KLHL1: variants seen among roughly 807,000 people sequenced by gnomAD.
KLHL1 encodes kelch-like protein 1.
Under a neutral mutation model 77.7 loss-of-function variants are expected in KLHL1, and 47 were observed. That is an observed-to-expected ratio of 0.60 (90% confidence interval 0.48 to 0.77). The LOEUF (loss-of-function observed/expected upper bound fraction) is 0.77, where lower values mean the gene tolerates loss of function less well. Among genes scored for constraint, KLHL1 ranks in the 30% least tolerant of loss-of-function variants. KLHL1 has a pLI of 0.00. For synonymous variants in KLHL1, 360 were observed against 325.2 expected, an observed-to-expected ratio of 1.11 and a Z score of -1.15; for missense variants, 925 against 910.8, an observed-to-expected ratio of 1.02 and a Z score of -0.20.
intron 5 of KLHL1, among the ~76,000 whole-genome samples, chr13:69,871,347 G>C (rs1007661027): frequency 3.3e-5 from 5 of 152,092 alleles, no homozygotes; most frequent in African/African-American, 1.2e-4. Context: ...TGATGGAAGG[G>C]GCTGCCTCCA....
chr13:70,022,836 G>T (rs1434842669), intron 1 of KLHL1, among the ~76,000 whole-genome samples: 1 of 151,820 alleles, frequency 6.6e-6, no homozygotes, highest in Admixed American at 6.6e-5. Context: ...TGCCTTCTTT[G>T]ATGCATAGTT....
At chr13:70,092,616 A>G (rs373697059) in intron 1 of KLHL1, among the ~76,000 whole-genome samples, 2 of 152,310 alleles carry the variant, frequency 1.3e-5, no homozygotes, top group East Asian at 3.9e-4. Context: ...TAAAGCATTC[A>G]ATGGATTATA....
chr13:69,979,725 G>C (rs1372478821), intron 1 of KLHL1, among the ~76,000 whole-genome samples: 2 of 152,186 alleles, frequency 1.3e-5, no homozygotes, highest in East Asian at 1.9e-4. Flanking sequence ...TACAAAGCTT[G>C]AAGTTACAAG....
intron 1 of KLHL1, among the ~76,000 whole-genome samples, chr13:70,052,717 A>G (rs562351023): frequency 2.0e-5 from 3 of 152,054 alleles, no homozygotes; most frequent in Middle Eastern, 3.4e-3. Context: ...TCCCTCTAAA[A>G]CAGGCTCTCC....
chr13:70,057,325 T>C (rs531393793), intron 1 of KLHL1, among the ~76,000 whole-genome samples: 15 of 152,196 alleles, frequency 9.9e-5, no homozygotes, highest in Middle Eastern at 3.4e-3. Flanking sequence ...TAGAACCTTA[T>C]AGCTTCACTG....
intron 4 of KLHL1, 37 bp from the exon 5 acceptor site, chr13:69,882,532 C>T: frequency 6.9e-7 from 1 of 1,452,586 alleles, no homozygotes; most frequent in Non-Finnish European, 9.6e-7. Context: ...AATTCTGTTT[C>T]ACTTTTATTT....
chr13:69,878,523 T>C (rs1250231956), intron 5 of KLHL1, among the ~76,000 whole-genome samples: 1 of 152,074 alleles, frequency 6.6e-6, no homozygotes, highest in African/African-American at 2.4e-5. Flanking sequence ...ACTGAGAAAA[T>C]ATAGACTCTT....
At chr13:69,879,269 G>A (rs1481979227) in intron 5 of KLHL1, among the ~76,000 whole-genome samples, 1 of 151,954 alleles carries the variant, frequency 6.6e-6, no homozygotes, top group African/African-American at 2.4e-5. Flanking sequence ...TTGATTCATG[G>A]TACTTTTAAC....
At chr13:70,033,043 G>C (rs547761050) in intron 1 of KLHL1, among the ~76,000 whole-genome samples, 1 of 152,162 alleles carries the variant, frequency 6.6e-6, no homozygotes, top group East Asian at 1.9e-4. Flanking sequence ...TTTTCAAGCT[G>C]ATATTTATTT....
At chr13:70,106,691 AAG>A (rs947005124) in intron 1 of KLHL1, among the ~76,000 whole-genome samples, 3 of 152,158 alleles carry the variant, frequency 2.0e-5, no homozygotes, top group African/African-American at 7.2e-5. Context: ...CAGGAGCAAA[AAG>A]AGAGGTAAAA....
chr13:69,888,042 C>G (rs1347351910), intron 4 of KLHL1, among the ~76,000 whole-genome samples: 1 of 152,160 alleles, frequency 6.6e-6, no homozygotes, highest in Non-Finnish European at 1.5e-5. Flanking sequence ...TTATTGCTCA[C>G]AGTTCTAGAG....
At position 69,948,989 on chromosome 13, in the gene KLHL1, C is replaced by A. The variant is rs368233080; in HGVS notation, c.818-8753G>T. 5.3e-4 allele frequency among the ~76,000 whole-genome samples: 81 copies of A among 151,926 alleles called. No individual in the cohort carries two copies. The South Asian group carries it at 0.016, about 30-fold the overall frequency. On this transcript the variant is annotated intron_variant, in intron 3 of 10. Transcript: ENST00000377844. ...ACCTCAAAATTGACATTTTTAGTAA[C>A]TCATAGGTATTTTAAAAATATAGTT...
chr13:69,845,518 CTG>C (rs1292527108), intron 5 of KLHL1, among the ~76,000 whole-genome samples: 5 of 151,522 alleles, frequency 3.3e-5, no homozygotes, highest in Non-Finnish European at 7.4e-5. Context: ...ATTGTTTACT[CTG>C]TGAGCAATTT....
At chr13:69,937,456 TTCTAA>T (rs775494425) in intron 4 of KLHL1, among the ~76,000 whole-genome samples, 4 of 152,174 alleles carry the variant, frequency 2.6e-5, no homozygotes, top group African/African-American at 4.8e-5. Context: ...ATTCTTGTTA[TTCTAA>T]TCTGTTTCCG....
chr13:69,772,367 AT>A (rs1875614444), intron 7 of KLHL1, among the ~76,000 whole-genome samples: 1 of 151,668 alleles, frequency 6.6e-6, no homozygotes, highest in Non-Finnish European at 1.5e-5. Flanking sequence ...ATTTTTTCTC[AT>A]TTTTGTTGGG....
At chr13:69,972,837 A>G (rs1884429414) in intron 2 of KLHL1, among the ~76,000 whole-genome samples, 1 of 151,908 alleles carries the variant, frequency 6.6e-6, no homozygotes, top group Non-Finnish European at 1.5e-5. Context: ...TTTTCTTACA[A>G]TTGAAAATTC....
chr13:70,090,410 T>C (rs1388196919), intron 1 of KLHL1, among the ~76,000 whole-genome samples: 1 of 151,856 alleles, frequency 6.6e-6, no homozygotes, highest in Non-Finnish European at 1.5e-5. Context: ...TACAAAGGTG[T>C]AGGTATCCAA....
intron 3 of KLHL1, among the ~76,000 whole-genome samples, chr13:69,951,648 TG>T (rs900659251): frequency 1.3e-5 from 2 of 151,532 alleles, no homozygotes; most frequent in Non-Finnish European, 3.0e-5. Context: ...GGTTCTGTGT[TG>T]ACAAAGATTT....
chr13:70,107,607 GC>G lies in KLHL1; in HGVS notation c.92del (p.Gly31AlafsTer35). ...LFSHPSPSTG[G>X]PAGGGCLQQD... ...GTTGCAGGCAGCCTCCCCCCGCCGG[GC>G]CGCCGGTGGAAGGAGACGGGTGGCT... On this transcript the variant is annotated frameshift_variant, in exon 1 of 11. Transcript: ENST00000377844. LOFTEE classifies it high-confidence loss of function. 1 of 1,592,632 alleles carries G rather than the reference GC, an allele frequency of 6.3e-7. No individual in the cohort carries two copies. The highest frequency in any genetic ancestry group is 8.5e-7 in the Non-Finnish European group (1 of 1,169,858).
Sources: gnomAD v4.1 joint callset for allele counts (sites outside exome capture counted in the v4.1 genomes callset) on GRCh38, gnomAD v4.1.1 for gene constraint, MANE v1.5 for transcripts, NCBI Gene and HGNC (gene_info 2026-07-23, HGNC 2026-07-21) for gene names.